The following CHKB variants were observed in gnomAD, a reference collection of about 807,000 sequenced individuals.
CHKB encodes the protein choline/ethanolamine kinase.
CHKB carries 45 observed loss-of-function variants against 57.3 expected under a neutral mutation model. The ratio of observed to expected loss-of-function variants is 0.79; its 90% CI spans 0.62 to 1.01. CHKB has a LOEUF of 1.01. Ranked by LOEUF, CHKB falls within the 50% of genes least tolerant of loss-of-function variation. The probability of loss-of-function intolerance (pLI) is 0.00; values close to 1 mark genes in which losing one functional copy is unlikely to be tolerated. For missense variants in CHKB, 517 were observed against 502.8 expected, an observed-to-expected ratio of 1.03 and a Z score of -0.27; for synonymous variants, 224 against 201.8, an observed-to-expected ratio of 1.11 and a Z score of -0.93.
Position 50,581,806 on chromosome 22 carries a change from C to T in CHKB, c.390G>A (p.Ser130=), listed in dbSNP as rs1299502169. The change falls in exon 3 of 11, where the codon TCG becomes TCA. Residue 130 remains serine, a synonymous_variant. Coordinates refer to ENST00000406938, the MANE Select transcript of CHKB (RefSeq NM_005198.5). ...AGACTCCGTACAGCTGGGGCCCCAG[C>T]GACCGCTCCGCAAGTATGGCGAACA... ...SVMFAILAER[S]LGPQLYGVFP... The T allele has an allele frequency of 6.2e-7, 1 of 1,613,866 alleles. No homozygotes were observed. Among genetic ancestry groups the T allele is most frequent in the Non-Finnish European group, 8.5e-7 (1 of 1,180,008 alleles).
intron 1 of CHKB, 76 bp downstream of exon 1, chr22:50,582,482 G>A (rs779772104): frequency 1.3e-6 from 2 of 1,499,996 alleles, no homozygotes; most frequent in Non-Finnish European, 1.8e-6. Flanking sequence ...GCGAAAACAT[G>A]GAGCATCCTG....
chr22:50,579,123 C>A lies in CHKB; in HGVS notation c.*58G>T. On this transcript the variant is annotated 3_prime_UTR_variant, in exon 11 of 11. Coordinates refer to ENST00000406938, the MANE Select transcript of CHKB (RefSeq NM_005198.5). ...CCAGGGCCTTCTGCTCGTTGTTCCT[C>A]CCTCCAAGGTCCTGCCCTGGAGGCT... The A allele has an allele frequency of 6.6e-7, 1 of 1,525,636 alleles. No individual in the cohort carries two copies. Among genetic ancestry groups the A allele is most frequent in the Non-Finnish European group, 9.0e-7 (1 of 1,108,984 alleles). The allele number at this position is 1,525,636 out of a possible 1,614,324, so 94.5% of individuals were successfully genotyped here. A position where few individuals can be genotyped will look rare whatever the true frequency, so the allele number is the denominator to read the frequency against.
chr22:50,579,035 C>A lies in CHKB; in HGVS notation c.*146G>T. On this transcript the variant is annotated 3_prime_UTR_variant, in exon 11 of 11. Coordinates refer to ENST00000406938, the MANE Select transcript of CHKB (RefSeq NM_005198.5). The stretch of plus-strand genomic sequence containing the variant: ...CTGGCCTGCCAGCCATGGGGACCTA[C>A]TCAAACTCAGGAACAGGCCGGTCTC... The A allele has an allele frequency of 1.3e-6, 1 of 784,592 alleles. No individual in the cohort carries two copies. The allele number at this position is 784,592 out of a possible 1,614,324, so 48.6% of individuals were successfully genotyped here. A position where few individuals can be genotyped will look rare whatever the true frequency, so the allele number is the denominator to read the frequency against.
rs1232882099 is a variant in CHKB at position 50,581,738 on chromosome 22, T to C, written c.447+11A>G. 6.2e-7 allele frequency: 1 copy of C among 1,609,078 alleles called. No homozygotes were observed. The highest frequency in any genetic ancestry group is 1.7e-5 in the Admixed American group (1 of 59,868). ...TGCCTTGGGGAGGAGAGGGTAGGAC[T>C]GGGCCCGTACTGGGATGTACTGTTC... On this transcript the variant is annotated intron_variant, in intron 3 of 10. Coordinates refer to ENST00000406938, the MANE Select transcript of CHKB (RefSeq NM_005198.5).
chr22:50,580,428 T>TG lies in CHKB; in HGVS notation c.678-13dup, dbSNP rs775848217. On this transcript the variant is annotated splice_polypyrimidine_tract_variant and intron_variant, in intron 5 of 10. Coordinates refer to ENST00000406938, the MANE Select transcript of CHKB (RefSeq NM_005198.5). ...ACTCTAGTAACTTCCTACAGGGGTA[T>TG]GGGAGCATGGGTCCTGAGCAGGAGT... 1 of 1,613,786 alleles carries TG rather than the reference T, an allele frequency of 6.2e-7. No individual in the cohort carries two copies. The highest frequency in any genetic ancestry group is 1.3e-5 in the African/African-American group (1 of 74,894).
rs1454673229 is a variant in CHKB at position 50,579,102 on chromosome 22, G to A, written c.*79C>T. On this transcript the variant is annotated 3_prime_UTR_variant, in exon 11 of 11. Coordinates refer to ENST00000406938, the MANE Select transcript of CHKB (RefSeq NM_005198.5). ...CTTGGGGGCTCAGCCCAGTCGCCAG[G>A]GCCTTCTGCTCGTTGTTCCTCCCTC... The A allele has an allele frequency of 1.4e-6, 2 of 1,389,156 alleles. No individual in the cohort carries two copies. The highest frequency in any genetic ancestry group is 2.9e-5 in the African/African-American group (2 of 69,962). 86.1% of individuals were successfully genotyped at this position (1,389,156 alleles called of 1,614,324 possible). A position where few individuals can be genotyped will look rare whatever the true frequency, so the allele number is the denominator to read the frequency against.
rs751093137 is a variant in CHKB, at chr22:50,579,834, C to T, written c.928-4G>A. 23 of 1,612,454 alleles carry T rather than the reference C, an allele frequency of 1.4e-5. No homozygotes were observed. The highest frequency in any genetic ancestry group is 2.7e-5 in the African/African-American group (2 of 74,880). ...GGTAATGACGAATAAAATGCAACTA[C>T]GATCAATGGCCAAGAGTCAGGAATT... is the stretch of plus-strand genomic sequence containing the variant. On this transcript the variant is annotated splice_region_variant and splice_polypyrimidine_tract_variant and intron_variant, in intron 8 of 10. Transcript: ENST00000406938.
chr22:50,582,215 G>A, intron 2 of CHKB, 34 bp downstream of exon 2: 5 of 1,534,016 alleles, frequency 3.3e-6, no homozygotes, highest in Non-Finnish European at 4.4e-6. Context: ...AGGCCCTAAA[G>A]CCACTGGTGC....
chr22:50,582,067 T>G, intron 2 of CHKB, 182 bp downstream of exon 2: 1 of 772,596 alleles, frequency 1.3e-6, no homozygotes, highest in Non-Finnish European at 2.2e-6. Flanking sequence ...TGTGCTCAAG[T>G]GATCCTCTCG....
chr22:50,580,293 C>T, intron 6 of CHKB, 22 bp from the exon 7 acceptor site: 3 of 1,613,622 alleles, frequency 1.9e-6, no homozygotes, highest in Non-Finnish European at 2.5e-6. Flanking sequence ...GGGTGAGGTT[C>T]TGCTCACTCC....
At position 50,582,566 on chromosome 22, in the gene CHKB, G is replaced by GT; in HGVS notation, c.215dup (p.Tyr72Ter). The GT allele has an allele frequency of 2.5e-6, 4 of 1,609,034 alleles. No individual in the cohort carries two copies. Among genetic ancestry groups the GT allele is most frequent in the Non-Finnish European group, 3.4e-6 (4 of 1,178,396 alleles). The change falls in exon 1 of 11, where the codon TAC becomes TAAC. Residue 72 changes from tyrosine (Y) to a stop codon, truncating the protein, a stop_gained and frameshift_variant. Transcript: ENST00000406938. LOFTEE classifies it high-confidence loss of function. ...RRVQPEELRV[Y>*]PVSGGLSNLL... ...GACCCCTGACCTCCCACCTCACGGG[G>GT]TAAACCCTCAGCTCCTCGGGCTGCA... is the stretch of plus-strand genomic sequence containing the variant.
At chr22:50,580,793 C>G in intron 4 of CHKB, 133 bp from the exon 5 acceptor site, 1 of 854,158 alleles carries the variant, frequency 1.2e-6, no homozygotes, top group Non-Finnish European at 1.9e-6. Flanking sequence ...TTCTTTTTTT[C>G]TTTTGAAATG....
chr22:50,580,153 G>C (rs2070653939), intron 7 of CHKB, 37 bp downstream of exon 7: 4 of 1,613,136 alleles, frequency 2.5e-6, no homozygotes, highest in Non-Finnish European at 3.4e-6. Context: ...GAGCCCTATG[G>C]GAACAGATCT....
chr22:50,582,154 G>T, intron 2 of CHKB, 95 bp downstream of exon 2: 1 of 1,140,372 alleles, frequency 8.8e-7, no homozygotes, highest in Non-Finnish European at 1.3e-6. Context: ...GTGAACCTCG[G>T]TGTCCTCAAC....
rs2070610166 is a variant in CHKB, at chr22:50,579,113, C to T, written c.*68G>A. On this transcript the variant is annotated 3_prime_UTR_variant, in exon 11 of 11. Transcript: ENST00000406938. Reference sequence around the variant, plus strand: ...AGCCCAGTCGCCAGGGCCTTCTGCTCGTTGTTCCTCCCTCCAAGGTCCTGC... The same window carrying T: ...AGCCCAGTCGCCAGGGCCTTCTGCTTGTTGTTCCTCCCTCCAAGGTCCTGC... 9 of 1,478,344 alleles carry T rather than the reference C, an allele frequency of 6.1e-6. No homozygotes were observed. In the South Asian group the frequency reaches 7.1e-5, roughly 12 times the overall value. 91.6% of individuals were successfully genotyped at this position (1,478,344 alleles called of 1,614,324 possible).
chr22:50,580,003 G>A lies in CHKB; in HGVS notation c.898C>T (p.Pro300Ser). 1 of 1,614,050 alleles carries A rather than the reference G, an allele frequency of 6.2e-7. No homozygotes were observed. The highest frequency in any genetic ancestry group is 1.1e-5 in the South Asian group (1 of 91,086). ...HEEWPFYKAR[P>S]TDYPTQEQQL... ...TGTTCTTGAGTGGGGTAGTCTGTGG[G>A]CCTTGCTTTGTAGAAAGGCCATTCC... The change falls in exon 8 of 11, where the codon CCC becomes TCC. Residue 300 changes from proline (P) to serine (S), a missense_variant. Coordinates refer to ENST00000406938, the MANE Select transcript of CHKB (RefSeq NM_005198.5).
At chr22:50,579,952 C>T (rs2070646915) in intron 8 of CHKB, 22 bp downstream of exon 8, 3 of 1,609,196 alleles carry the variant, frequency 1.9e-6, no homozygotes, top group Middle Eastern at 1.7e-4. Flanking sequence ...GGGTCCTGCT[C>T]CCCAGCCTCT....
Position 50,582,238 on chromosome 22 carries a change from A to T in CHKB, c.333+11T>A. ...AAGCCACTGGTGCTGCGGCGCTCAC[A>T]CCCCCCTCACCTGCAAGATGGCTCC... On this transcript the variant is annotated intron_variant, in intron 2 of 10. Transcript: ENST00000406938. The T allele has an allele frequency of 6.4e-7, 1 of 1,571,828 alleles. No individual in the cohort carries two copies. The highest frequency in any genetic ancestry group is 2.3e-5 in the East Asian group (1 of 42,910).
intron 8 of CHKB, 32 bp downstream of exon 8, chr22:50,579,941 TG>T: frequency 2.5e-6 from 4 of 1,602,412 alleles, no homozygotes; most frequent in Non-Finnish European, 3.4e-6. Flanking sequence ...CCTCACAGGA[TG>T]GGTCCTGCTC....
Sources: allele counts gnomAD v4.1 joint callset, GRCh38; gene constraint gnomAD v4.1.1; transcripts MANE v1.5; gene names NCBI Gene and HGNC (gene_info 2026-07-23, HGNC 2026-07-21).